PDZD2: variants seen among roughly 807,000 people sequenced by gnomAD.
PDZD2 encodes the protein PDZ domain containing 2.
PDZD2 carries 90 observed loss-of-function variants against 220.7 expected under a neutral mutation model. The ratio of observed to expected loss-of-function variants is 0.41; its 90% confidence interval spans 0.34 to 0.49. The LOEUF (loss-of-function observed/expected upper bound fraction) is 0.49, where lower values mean the gene tolerates loss of function less well. Ranked by LOEUF, PDZD2 falls within the 20% of genes least tolerant of loss-of-function variation. The pLI is 0.28. For missense variants in PDZD2, 3,174 were observed against 3,608.5 expected (o/e 0.88, Z 3.08); for synonymous variants, 1,375 against 1,450.5 (o/e 0.95, Z 1.18).
chr5:32,044,300 G>A (rs1737720760), intron 7 of PDZD2, among the ~76,000 whole-genome samples: 1 of 152,102 alleles, frequency 6.6e-6, no homozygotes, highest in Admixed American at 6.6e-5. Flanking sequence ...CTGCACTGCA[G>A]CCCGGGCAAC....
At chr5:31,893,750 G>C (rs1051027675) in intron 2 of PDZD2, among the ~76,000 whole-genome samples, 1 of 152,104 alleles carries the variant, frequency 6.6e-6, no homozygotes, top group Admixed American at 6.6e-5. Context: ...TTCTCAGCAG[G>C]GATTGTGTAT....
intron 15 of PDZD2, among the ~76,000 whole-genome samples, chr5:32,070,242 C>T (rs1411760508): frequency 6.6e-6 from 1 of 152,094 alleles, no homozygotes; most frequent in Non-Finnish European, 1.5e-5. Context: ...ATTATACTGA[C>T]GTTCAGATTG....
At chr5:32,095,023 C>T (rs1002011611) in intron 21 of PDZD2, among the ~76,000 whole-genome samples, 1 of 152,252 alleles carries the variant, frequency 6.6e-6, no homozygotes, top group Admixed American at 6.5e-5. Context: ...GACCACCAGT[C>T]AAGGGGGCAC....
In PDZD2 at chr5:31,794,845, T is replaced by C. The variant is rs534817434; in HGVS notation, c.-360-4044T>C. 2.4e-4 allele frequency among the ~76,000 whole-genome samples: 36 copies of C among 152,282 alleles called. 1 individual carries two copies. In the South Asian group the frequency reaches 7.5e-3, roughly 32 times the overall value. Reference sequence around the variant, plus strand: ...AGAGCATAGGAAGATTAGGTGAAGGTCGAAGAACTTGGAATTTAGCAGAGG... The same window carrying C: ...AGAGCATAGGAAGATTAGGTGAAGGCCGAAGAACTTGGAATTTAGCAGAGG... On this transcript the variant is annotated intron_variant, in intron 1 of 24. Coordinates refer to ENST00000438447, the MANE Select transcript of PDZD2 (RefSeq NM_178140.4).
At chr5:32,014,650 T>G (rs1753593726) in intron 6 of PDZD2, among the ~76,000 whole-genome samples, 2 of 140,212 alleles carry the variant, frequency 1.4e-5, no homozygotes, top group Admixed American at 1.5e-4. Flanking sequence ...CTGTTCTACC[T>G]GATTGGCAGT....
chr5:31,770,808 G>A (rs1752296469), intron 1 of PDZD2, among the ~76,000 whole-genome samples: 1 of 112,702 alleles, frequency 8.9e-6, no homozygotes, highest in Non-Finnish European at 2.0e-5. Flanking sequence ...CTCTCTTAGA[G>A]CCTCAAATTT....
intron 5 of PDZD2, among the ~76,000 whole-genome samples, chr5:32,003,120 G>C (rs62643502): frequency 3.6e-5 from 4 of 109,966 alleles, no homozygotes; most frequent in South Asian, 3.2e-4. Flanking sequence ...AACACACCAC[G>C]CGCCACACAC....
chr5:32,051,189 G>A, intron 8 of PDZD2, among the ~76,000 whole-genome samples: 1 of 152,092 alleles, frequency 6.6e-6, no homozygotes, highest in Non-Finnish European at 1.5e-5. Context: ...TCCCTTAGGA[G>A]TTCACACACA....
chr5:31,886,262 C>T (rs1421544507), intron 2 of PDZD2, among the ~76,000 whole-genome samples: 1 of 152,222 alleles, frequency 6.6e-6, no homozygotes, highest in African/African-American at 2.4e-5. Flanking sequence ...CCACAATTAA[C>T]AATGCATTTG....
chr5:32,080,045 A>G (rs1741762026), intron 19 of PDZD2, among the ~76,000 whole-genome samples: 1 of 151,764 alleles, frequency 6.6e-6, no homozygotes, highest in African/African-American at 2.4e-5. Flanking sequence ...TACTGCAAAG[A>G]GTGTTAAAAA....
chr5:32,020,600 T>C (rs559246694), intron 6 of PDZD2, among the ~76,000 whole-genome samples: 2 of 152,270 alleles, frequency 1.3e-5, no homozygotes, highest in East Asian at 3.9e-4. Context: ...TTAGTTTCAG[T>C]TTCAGTTATT....
intron 1 of PDZD2, among the ~76,000 whole-genome samples, chr5:31,680,881 C>T (rs1561380303): frequency 1.3e-5 from 2 of 152,154 alleles, no homozygotes; most frequent in African/African-American, 4.8e-5. Flanking sequence ...ATGCCTGCCC[C>T]ACAGCAACGG....
chr5:31,922,775 C>T (rs1396010985), intron 2 of PDZD2, among the ~76,000 whole-genome samples: 1 of 152,078 alleles, frequency 6.6e-6, no homozygotes, highest in African/African-American at 2.4e-5. Flanking sequence ...CCCCTCCGGG[C>T]TCAAGTGACT....
chr5:31,651,877 A>T (rs1176177415), intron 1 of PDZD2, among the ~76,000 whole-genome samples: 2 of 127,996 alleles, frequency 1.6e-5, no homozygotes, highest in Non-Finnish European at 3.3e-5. Context: ...GAGTGTAGTG[A>T]TGCAATCTTG....
chr5:31,920,785 C>T (rs950803423), intron 2 of PDZD2, among the ~76,000 whole-genome samples: 3 of 152,096 alleles, frequency 2.0e-5, no homozygotes, highest in African/African-American at 7.2e-5. Context: ...CCCTTTTTCC[C>T]TCCAACACTT....
At chr5:31,667,168 G>A (rs1242366079) in intron 1 of PDZD2, among the ~76,000 whole-genome samples, 15 of 146,728 alleles carry the variant, frequency 1.0e-4, no homozygotes, top group Middle Eastern at 3.7e-3. Context: ...CCCAGGAGAC[G>A]GAGCTTGCAG....
At chr5:32,006,665 C>T (rs1378874796) in intron 5 of PDZD2, among the ~76,000 whole-genome samples, 1 of 149,944 alleles carries the variant, frequency 6.7e-6, no homozygotes, top group Non-Finnish European at 1.5e-5. Context: ...GCATGAACCA[C>T]TGCCAGGCTC....
intron 1 of PDZD2, among the ~76,000 whole-genome samples, chr5:31,668,023 G>A (rs1273983661): frequency 2.8e-4 from 42 of 151,898 alleles, no homozygotes; most frequent in African/African-American, 8.9e-4. Context: ...CACTACGCCC[G>A]GCTACTTTTT....
chr5:31,821,256 A>C (rs1262803233), intron 2 of PDZD2, among the ~76,000 whole-genome samples: 2 of 150,884 alleles, frequency 1.3e-5, no homozygotes, highest in African/African-American at 4.9e-5. Flanking sequence ...TTAAAATTTA[A>C]ATTTAAATTT....
Sources: gnomAD v4.1 joint callset for allele counts (sites outside exome capture counted in the v4.1 genomes callset) on GRCh38, gnomAD v4.1.1 for gene constraint, MANE v1.5 for transcripts, NCBI Gene and HGNC (gene_info 2026-07-23, HGNC 2026-07-21) for gene names.